The following RBMS1 variants were observed in gnomAD, a reference collection of about 807,000 sequenced individuals.
RBMS1 encodes the protein RNA-binding motif, single-stranded-interacting protein 1.
Under a neutral mutation model 62.3 loss-of-function variants are expected in RBMS1, and 17 were observed. The observed-to-expected ratio is 0.27, with a 90% CI of 0.19 to 0.41. The LOEUF is 0.41. Ranked by LOEUF, RBMS1 falls within the 10% of genes least tolerant of loss-of-function variation. The pLI is 1.00. For synonymous variants in RBMS1, 172 were observed against 170.0 expected (o/e 1.01, Z -0.09); for missense variants, 334 against 504.5 (o/e 0.66, Z 3.24).
chr2:160,467,951 A>G (rs1051690085), intron 1 of RBMS1, among the ~76,000 whole-genome samples: 17 of 152,310 alleles, frequency 1.1e-4, no homozygotes, highest in Non-Finnish European at 2.2e-4. Context: ...CCACACAACC[A>G]GTGTGGTACA....
At chr2:160,393,775 C>A (rs1359582251) in intron 1 of RBMS1, among the ~76,000 whole-genome samples, 11 of 140,582 alleles carry the variant, frequency 7.8e-5, no homozygotes, top group Non-Finnish European at 1.5e-4. Flanking sequence ...GACTCCATCT[C>A]CAAAAAAAAA....
intron 1 of RBMS1, among the ~76,000 whole-genome samples, chr2:160,424,369 G>GC (rs536733611): frequency 8.0e-5 from 12 of 149,504 alleles, no homozygotes; most frequent in South Asian, 2.1e-4. Context: ...AGAGATTGGG[G>GC]GGGGGGGGAA....
At chr2:160,300,838 C>A (rs1689171996) in intron 5 of RBMS1, 108 bp from the exon 6 acceptor site, 6 of 1,228,262 alleles carry the variant, frequency 4.9e-6, no homozygotes, top group Non-Finnish European at 6.4e-6. Flanking sequence ...ATAAATGAAA[C>A]CTAGTAAAAA....
intron 1 of RBMS1, chr2:160,407,964 C>A (rs1289918327): frequency 2.1e-5 from 20 of 969,968 alleles, no homozygotes; most frequent in South Asian, 9.5e-5. Context: ...GCGCCCAGGC[C>A]CACCCGCGCC....
chr2:160,344,023 T>C (rs941621565), intron 2 of RBMS1, among the ~76,000 whole-genome samples: 4 of 152,158 alleles, frequency 2.6e-5, no homozygotes, highest in Non-Finnish European at 4.4e-5. Context: ...AAGTTATTTT[T>C]CACTGGTGTG....
rs1280177641 is a variant in RBMS1, at chr2:160,313,255, G to A, written c.311-8C>T. 4 of 1,611,672 alleles carry A rather than the reference G, an allele frequency of 2.5e-6. No homozygotes were observed. In the Admixed American group the frequency reaches 5.0e-5, roughly 20 times the overall value. On this transcript the variant is annotated splice_polypyrimidine_tract_variant and splice_region_variant and intron_variant, in intron 3 of 13. Transcript: ENST00000348849. ...AGTCGACAAAACCATAACCTGAAAT[G>A]CAAAAACACACTTAGTATTTAAGCC...
intron 2 of RBMS1, among the ~76,000 whole-genome samples, chr2:160,350,525 A>C (rs1692435279): frequency 6.6e-6 from 1 of 152,106 alleles, no homozygotes; most frequent in South Asian, 2.1e-4. Context: ...CAAGCCAAGG[A>C]AACGCTGGTA....
intron 12 of RBMS1, 32 bp from the exon 13 acceptor site, chr2:160,275,746 T>G: frequency 6.2e-7 from 1 of 1,613,056 alleles, no homozygotes; most frequent in Non-Finnish European, 8.5e-7. Context: ...GGATGAGACA[T>G]GTTAGTGAAA....
chr2:160,427,338 T>C (rs1185590443), intron 1 of RBMS1, among the ~76,000 whole-genome samples: 1 of 152,122 alleles, frequency 6.6e-6, no homozygotes, highest in Non-Finnish European at 1.5e-5. Context: ...TACCTACAAC[T>C]AATTTTATGA....
intron 1 of RBMS1, among the ~76,000 whole-genome samples, chr2:160,404,199 T>C (rs563751818): frequency 5.3e-5 from 8 of 152,160 alleles, no homozygotes; most frequent in African/African-American, 1.7e-4. Flanking sequence ...TTCAAAAGCT[T>C]CTCACTTTGA....
intron 1 of RBMS1, among the ~76,000 whole-genome samples, chr2:160,371,755 G>A (rs1009555408): frequency 6.6e-6 from 1 of 152,038 alleles, no homozygotes; most frequent in South Asian, 2.1e-4. Context: ...GTCCTGTGTG[G>A]GCAGCATTCA....
chr2:160,421,965 T>C lies in RBMS1; in HGVS notation c.76-54574A>G, dbSNP rs536911948. ...TGTCTTCACTCTAACTCATTCTATATGCTGCCATTTATAGTAATGAGTAGC... is the reference window on the plus strand; with the variant it reads ...TGTCTTCACTCTAACTCATTCTATACGCTGCCATTTATAGTAATGAGTAGC... On this transcript the variant is annotated intron_variant, in intron 1 of 13. Transcript: ENST00000348849. Among the ~76,000 whole-genome samples the C allele has an allele frequency of 2.6e-5, 4 of 152,336 alleles. No homozygotes were observed. The South Asian group carries it at 8.3e-4, about 32-fold the overall frequency.
intron 2 of RBMS1, among the ~76,000 whole-genome samples, chr2:160,362,743 C>T (rs759242637): frequency 6.6e-6 from 1 of 151,972 alleles, no homozygotes; most frequent in African/African-American, 2.4e-5. Flanking sequence ...AATAGACTTG[C>T]CCAATGCAGG....
chr2:160,331,102 T>G (rs990202839), intron 2 of RBMS1, among the ~76,000 whole-genome samples: 3 of 152,144 alleles, frequency 2.0e-5, no homozygotes, highest in African/African-American at 7.2e-5. Context: ...AAAGGGAGCA[T>G]GGCCCTGCTG....
intron 2 of RBMS1, among the ~76,000 whole-genome samples, chr2:160,323,733 T>C (rs1690727359): frequency 6.6e-6 from 1 of 151,796 alleles, no homozygotes; most frequent in African/African-American, 2.4e-5. Context: ...CTAGAGTAGA[T>C]AATCCACTCC....
chr2:160,300,282 A>G (rs1689140035), intron 6 of RBMS1, among the ~76,000 whole-genome samples: 1 of 152,188 alleles, frequency 6.6e-6, no homozygotes, highest in Non-Finnish European at 1.5e-5. Flanking sequence ...CATAAAGGCC[A>G]TAGGAACTGA....
intron 2 of RBMS1, among the ~76,000 whole-genome samples, chr2:160,364,809 T>C (rs1693310292): frequency 6.6e-6 from 1 of 152,206 alleles, no homozygotes; most frequent in South Asian, 2.1e-4. Flanking sequence ...TGTTAAATAA[T>C]CCTCTAAAAT....
At chr2:160,332,247 A>G (rs1691315999) in intron 2 of RBMS1, among the ~76,000 whole-genome samples, 2 of 152,348 alleles carry the variant, frequency 1.3e-5, no homozygotes, top group South Asian at 4.1e-4. Context: ...GTCAGTAAAT[A>G]TAATGATTAC....
intron 1 of RBMS1, among the ~76,000 whole-genome samples, chr2:160,438,548 A>G (rs2105297422): frequency 1.3e-5 from 2 of 152,312 alleles, no homozygotes; most frequent in South Asian, 4.1e-4. Flanking sequence ...TGGACACAGC[A>G]CATGTTTCAG....
Sources: gnomAD v4.1 joint callset for allele counts (sites outside exome capture counted in the v4.1 genomes callset) on GRCh38, gnomAD v4.1.1 for gene constraint, MANE v1.5 for transcripts, NCBI Gene and HGNC (gene_info 2026-07-23, HGNC 2026-07-21) for gene names.